Variants in PACRG observed in about 807,000 individuals in gnomAD.
The protein encoded by PACRG is parkin coregulated, also known as parkin coregulated gene protein.
A neutral mutation model predicts 29.7 loss-of-function variants in PACRG; 29 were observed. That is an observed-to-expected ratio of 0.98 (90% CI 0.73 to 1.33). PACRG has a LOEUF of 1.33. Ranked by LOEUF, PACRG falls within the 40% of genes most tolerant of loss-of-function variation. The pLI is 0.00. For missense variants in PACRG, 279 were observed against 316.2 expected (o/e 0.88, Z 0.89); for synonymous variants, 116 against 118.7 (o/e 0.98, Z 0.15).
chr6:163,262,745 C>G (rs1208825478), intron 4 of PACRG, among the ~76,000 whole-genome samples: 1 of 151,720 alleles, frequency 6.6e-6, no homozygotes, highest in Non-Finnish European at 1.5e-5. Context: ...CTGGCTTGCA[C>G]AAAATACAAA....
chr6:163,224,064 T>G (rs1053742480), intron 4 of PACRG, among the ~76,000 whole-genome samples: 1 of 151,828 alleles, frequency 6.6e-6, no homozygotes, highest in African/African-American at 2.4e-5. Context: ...CAAAGCAACG[T>G]TGAGCAAAAA....
At chr6:163,013,969 A>G (rs911821238) in intron 2 of PACRG, among the ~76,000 whole-genome samples, 4 of 152,048 alleles carry the variant, frequency 2.6e-5, no homozygotes, top group African/African-American at 9.7e-5. Flanking sequence ...AAATTACTTG[A>G]ACCATTTTTG....
intron 1 of PACRG, among the ~76,000 whole-genome samples, chr6:162,765,335 T>C (rs1782695803): frequency 6.6e-6 from 1 of 151,996 alleles, no homozygotes; most frequent in African/African-American, 2.4e-5. Context: ...GAAAACATTT[T>C]ACTCTACTCT....
intron 4 of PACRG, among the ~76,000 whole-genome samples, chr6:163,102,833 G>C (rs1815176093): frequency 6.6e-6 from 1 of 152,178 alleles, no homozygotes; most frequent in African/African-American, 2.4e-5. Flanking sequence ...TAATAGTCCT[G>C]TGAGATCCAA....
chr6:163,108,394 T>C (rs968206915), intron 4 of PACRG, among the ~76,000 whole-genome samples: 1 of 42,588 alleles, frequency 2.3e-5, no homozygotes, highest in African/African-American at 1.4e-4. Context: ...CTCTTTCCCT[T>C]TTTTTTTTTT....
chr6:163,173,706 A>G (rs1779207194), intron 4 of PACRG, among the ~76,000 whole-genome samples: 3 of 152,166 alleles, frequency 2.0e-5, no homozygotes, highest in African/African-American at 7.2e-5. Flanking sequence ...AAATATTTTC[A>G]AGGTCGCCCT....
At chr6:163,026,788 T>C (rs1807175007) in intron 2 of PACRG, among the ~76,000 whole-genome samples, 1 of 152,250 alleles carries the variant, frequency 6.6e-6, no homozygotes, top group Non-Finnish European at 1.5e-5. Context: ...AGGCGTTTCA[T>C]AGCTGGAAAC....
rs190621553 is a variant in PACRG at position 162,845,863 on chromosome 6, A to G, written c.291+31582A>G. Among the ~76,000 whole-genome samples, 121 of 152,306 alleles carry G rather than the reference A, an allele frequency of 7.9e-4. No homozygotes were observed. In the South Asian group the frequency reaches 0.011, roughly 14 times the overall value. On this transcript the variant is annotated intron_variant, in intron 2 of 4. Coordinates refer to ENST00000366888, the MANE Select transcript of PACRG (RefSeq NM_001080379.2). Reference sequence around the variant, plus strand: ...TATCATACACTACCTAATGTTTTGTATCCTGTGTTTTACTAAATATCACCT... The same window carrying G: ...TATCATACACTACCTAATGTTTTGTGTCCTGTGTTTTACTAAATATCACCT...
intron 4 of PACRG, among the ~76,000 whole-genome samples, chr6:163,138,672 C>T (rs1817034560): frequency 1.3e-5 from 2 of 152,202 alleles, no homozygotes; most frequent in African/African-American, 4.8e-5. Context: ...CACTGCTCAC[C>T]TCCTGCTATG....
Position 163,315,101 on chromosome 6 carries a change from A to ATTTTAGCAGCTGT in PACRG, c.*114_*115insTTTTAGCAGCTGT. On this transcript the variant is annotated 3_prime_UTR_variant, in exon 5 of 5. Coordinates refer to ENST00000366888, the MANE Select transcript of PACRG (RefSeq NM_001080379.2). ...CACAGCTTTCTTTTCTACAGCTGCT[A>ATTTTAGCAGCTGT]AAATAGTGGCTTATGGGCCATTGGA... The ATTTTAGCAGCTGT allele has an allele frequency of 7.8e-7, 1 of 1,284,842 alleles. No individual in the cohort carries two copies. The highest frequency in any genetic ancestry group is 1.1e-6 in the Non-Finnish European group (1 of 929,446). 79.6% of individuals were successfully genotyped at this position (1,284,842 alleles called of 1,614,324 possible).
At position 162,947,595 on chromosome 6, in the gene PACRG, C is replaced by CATATATAT. The variant is rs59243050; in HGVS notation, c.292-114549_292-114542dup. 5.9e-3 allele frequency among the ~76,000 whole-genome samples: 166 copies of CATATATAT among 27,974 alleles called. 8 individuals carry two copies. Among genetic ancestry groups the CATATATAT allele is most frequent in the Admixed American group, 0.054 (82 of 1,506 alleles). 18.4% of individuals were successfully genotyped at this position (27,974 alleles called of 152,430 possible). On this transcript the variant is annotated intron_variant, in intron 2 of 4. Transcript: ENST00000366888. ...ACTCATATATAATCATATATATAAT[C>CATATATAT]ATATATATATATAATCATATATATA... is the stretch of plus-strand genomic sequence containing the variant.
intron 1 of PACRG, among the ~76,000 whole-genome samples, chr6:162,779,960 G>A (rs1427563772): frequency 6.6e-6 from 1 of 152,194 alleles, no homozygotes; most frequent in Non-Finnish European, 1.5e-5. Flanking sequence ...TGGAAGCCTA[G>A]CTGTCTCCTT....
chr6:163,269,935 G>GAA (rs1239513842), intron 4 of PACRG, among the ~76,000 whole-genome samples: 2 of 15,104 alleles, frequency 1.3e-4, no homozygotes, highest in South Asian at 7.1e-3. Context: ...AGAAAACAAA[G>GAA]AAAGAAAGAA....
chr6:163,015,581 G>A, intron 2 of PACRG, among the ~76,000 whole-genome samples: 1 of 152,058 alleles, frequency 6.6e-6, no homozygotes, highest in East Asian at 1.9e-4. Context: ...TTTGTCAGAT[G>A]TATTCCTAGG....
chr6:162,830,609 TG>T, intron 2 of PACRG, among the ~76,000 whole-genome samples: 1 of 152,246 alleles, frequency 6.6e-6, no homozygotes, highest in Admixed American at 6.5e-5. Context: ...AAAGACATTT[TG>T]TCTGTGGCTC....
At position 163,249,965 on chromosome 6, in the gene PACRG, C is replaced by G. The variant is rs140465682; in HGVS notation, c.614-64862C>G. Among the ~76,000 whole-genome samples, 113 of 152,316 alleles carry G rather than the reference C, an allele frequency of 7.4e-4. 1 individual carries two copies. The highest frequency in any genetic ancestry group is 2.6e-3 in the African/African-American group (106 of 41,566). On this transcript the variant is annotated intron_variant, in intron 4 of 4. Transcript: ENST00000366888. ...TGACCAGATGACACACACTCCTTGC[C>G]CATTGTGGTTCCCACCGCAGGGAAT...
chr6:163,103,979 T>C (rs1815242943), intron 4 of PACRG, among the ~76,000 whole-genome samples: 1 of 152,288 alleles, frequency 6.6e-6, no homozygotes, highest in Admixed American at 6.5e-5. Flanking sequence ...AAGTGTAAAT[T>C]GGATTGCCAG....
At chr6:162,753,999 C>CA (rs1781711996) in intron 1 of PACRG, among the ~76,000 whole-genome samples, 1 of 152,134 alleles carries the variant, frequency 6.6e-6, no homozygotes, top group African/African-American at 2.4e-5. Flanking sequence ...ATGATGTATA[C>CA]TCAGAAGTGG....
At chr6:162,736,845 T>G (rs919851893) in intron 1 of PACRG, among the ~76,000 whole-genome samples, 1 of 152,190 alleles carries the variant, frequency 6.6e-6, no homozygotes, top group Non-Finnish European at 1.5e-5. Context: ...CCTTCTAATA[T>G]GCTAATATTT....
Sources: allele counts gnomAD v4.1 joint callset (sites outside exome capture counted in the v4.1 genomes callset), GRCh38; gene constraint gnomAD v4.1.1; transcripts MANE v1.5; gene names NCBI Gene and HGNC (gene_info 2026-07-23, HGNC 2026-07-21).